XKR7: variants seen among roughly 807,000 people sequenced by gnomAD.
XKR7 encodes XK related 7.
XKR7 carries 11 observed loss-of-function variants against 42.2 expected under a neutral mutation model. The observed-to-expected ratio is 0.26, with a 90% CI of 0.16 to 0.43. The LOEUF is 0.43. XKR7 is among the 20% of genes least tolerant of loss of function. The probability of loss-of-function intolerance (pLI) is 1.00; values close to 1 mark genes in which losing one functional copy is unlikely to be tolerated. For synonymous variants in XKR7, 346 were observed against 366.4 expected (o/e 0.94, Z 0.64); for missense variants, 710 against 802.2 (o/e 0.89, Z 1.39).
At position 31,997,441 on chromosome 20, in the gene XKR7, A is replaced by G; in HGVS notation, c.1724A>G (p.Tyr575Cys). 3 of 1,597,336 alleles carry G rather than the reference A, an allele frequency of 1.9e-6. No homozygotes were observed. The highest frequency in any genetic ancestry group is 2.5e-6 in the Non-Finnish European group (3 of 1,178,888). Reference sequence around the variant, plus strand: ...GGGACTTCCCAGGAGCTGCTGGAGTATGAGACCACAGTGTAGGCTACAGTG... The same window carrying G: ...GGGACTTCCCAGGAGCTGCTGGAGTGTGAGACCACAGTGTAGGCTACAGTG... ...SVGTSQELLE[Y>C]ETTV Residue 575 changes from tyrosine (Y) to cysteine (C), a missense_variant, in exon 3 of 3, where the codon TAT becomes TGT. Tyr to Cys is a radical substitution (Grantham distance 194). Transcript: ENST00000562532.
chr20:31,990,064 G>C (rs2064562693), intron 1 of XKR7, among the ~76,000 whole-genome samples: 1 of 152,196 alleles, frequency 6.6e-6, no homozygotes, highest in African/African-American at 2.4e-5. Flanking sequence ...CTTCCTAGAG[G>C]AGGTTTCAAG....
At chr20:31,974,790 A>G (rs2064478149) in intron 1 of XKR7, among the ~76,000 whole-genome samples, 1 of 152,252 alleles carries the variant, frequency 6.6e-6, no homozygotes, top group Admixed American at 6.5e-5. Flanking sequence ...CTGACACTTG[A>G]TTACAGTCCC....
chr20:31,973,616 G>A (rs1600655388), intron 1 of XKR7, among the ~76,000 whole-genome samples: 1 of 152,080 alleles, frequency 6.6e-6, no homozygotes, highest in South Asian at 2.1e-4. Flanking sequence ...AGGGCTGCAC[G>A]AGGTGAGGAC....
intron 1 of XKR7, chr20:31,970,674 C>G (rs905067715): frequency 6.6e-6 from 1 of 152,172 alleles, no homozygotes. Flanking sequence ...TTGGATCTAG[C>G]AGTATCAATC....
At chr20:31,988,463 A>G (rs549151840) in intron 1 of XKR7, among the ~76,000 whole-genome samples, 40 of 152,126 alleles carry the variant, frequency 2.6e-4, no homozygotes, top group Non-Finnish European at 8.8e-5. Flanking sequence ...TTCATACTCT[A>G]GCTTCTACTC....
chr20:31,971,367 C>T (rs997262401), intron 1 of XKR7, among the ~76,000 whole-genome samples: 8 of 152,222 alleles, frequency 5.3e-5, no homozygotes, highest in Non-Finnish European at 1.0e-4. Flanking sequence ...TTAAGAGTTT[C>T]CCATTCCTGA....
intron 2 of XKR7, among the ~76,000 whole-genome samples, chr20:31,996,213 T>C (rs6061080): frequency 0.42 from 62,489 of 149,158 alleles, 14,684 homozygotes; most frequent in African/African-American, 0.65. Context: ...GACCCCTGAA[T>C]CCTAACAGCC....
At position 31,968,504 on chromosome 20, in the gene XKR7, G is replaced by A; in HGVS notation, c.329G>A (p.Arg110His). 1 of 1,613,014 alleles carries A rather than the reference G, an allele frequency of 6.2e-7. No individual in the cohort carries two copies. The highest frequency in any genetic ancestry group is 8.5e-7 in the Non-Finnish European group (1 of 1,179,536). Residue 110 changes from arginine (R) to histidine (H), a missense_variant, in exon 1 of 3, where the codon CGC becomes CAC. By Grantham distance (29) the Arg-to-His change is conservative. Transcript: ENST00000562532. This position sits in a 1 kb window ranked among gnomAD's most constrained non-coding sequence, Gnocchi z 4.5. ...CTGGTCGTGCAGTTACTGAGCTTCCGCTGGTTCGTCTACGACTACTCGGAG... is the reference window on the plus strand; with the variant it reads ...CTGGTCGTGCAGTTACTGAGCTTCCACTGGTTCGTCTACGACTACTCGGAG... ...PSLVVQLLSF[R>H]WFVYDYSEPA...
intron 1 of XKR7, among the ~76,000 whole-genome samples, chr20:31,973,886 G>T (rs1410336876): frequency 1.3e-5 from 2 of 152,140 alleles, no homozygotes; most frequent in African/African-American, 4.8e-5. Context: ...GTCCACTCTG[G>T]CTGCTGGGTG....
Position 31,968,510 on chromosome 20 carries a change from T to G in XKR7, c.335T>G (p.Phe112Cys), listed in dbSNP as rs1371226652. The change falls in exon 1 of 3, where the codon TTC becomes TGC. Residue 112 changes from phenylalanine (F) to cysteine (C), a missense_variant. By Grantham distance (205) the Phe-to-Cys change is radical (BLOSUM62 -2). This residue lies in a region of XKR7 where 708 missense variants were observed against 786.2 expected (regional missense o/e 0.90). Transcript: ENST00000562532. This position sits in a 1 kb window ranked among gnomAD's most constrained non-coding sequence, Gnocchi z 4.5. ...LVVQLLSFRW[F>C]VYDYSEPAGS... ...GTGCAGTTACTGAGCTTCCGCTGGTTCGTCTACGACTACTCGGAGCCCGCA... is the reference window on the plus strand; with the variant it reads ...GTGCAGTTACTGAGCTTCCGCTGGTGCGTCTACGACTACTCGGAGCCCGCA... 1 of 1,612,890 alleles carries G rather than the reference T, an allele frequency of 6.2e-7. No individual in the cohort carries two copies. Among genetic ancestry groups the G allele is most frequent in the Non-Finnish European group, 8.5e-7 (1 of 1,179,502 alleles).
chr20:31,980,221 C>T (rs973091251), intron 1 of XKR7, among the ~76,000 whole-genome samples: 2 of 151,768 alleles, frequency 1.3e-5, no homozygotes, highest in African/African-American at 4.9e-5. Context: ...CCCAGCACCA[C>T]ATGAAATGGG....
At chr20:31,974,816 A>C (rs1319179414) in intron 1 of XKR7, among the ~76,000 whole-genome samples, 10 of 152,130 alleles carry the variant, frequency 6.6e-5, no homozygotes, top group Non-Finnish European at 1.3e-4. Flanking sequence ...CTCAGTGACC[A>C]TCCATGAGGT....
At position 31,995,092 on chromosome 20, in the gene XKR7, G is replaced by A. The variant is rs1281155677; in HGVS notation, c.609G>A (p.Gly203=). ...GGTACCTGCGCGCCCTGTACCTGGG[G>A]CTGCAGAGCCGCTGGCGCGGGGAGC... ...VWRYLRALYL[G]LQSRWRGERL... is the part of the protein sequence containing the mutation. The change falls in exon 2 of 3, where the codon GGG becomes GGA. Residue 203 remains glycine, a synonymous_variant. Coordinates refer to ENST00000562532, the MANE Select transcript of XKR7 (RefSeq NM_001011718.2). This position sits in a 1 kb window ranked among gnomAD's most constrained non-coding sequence, Gnocchi z 4.1. 2 of 1,553,186 alleles carry A rather than the reference G, an allele frequency of 1.3e-6. No homozygotes were observed. The highest frequency in any genetic ancestry group is 1.7e-6 in the Non-Finnish European group (2 of 1,149,764).
At position 31,995,350 on chromosome 20, in the gene XKR7, C is replaced by A. The variant is rs1383548371; in HGVS notation, c.787+80C>A. 6.6e-7 allele frequency: 1 copy of A among 1,522,804 alleles called. No homozygotes were observed. The highest frequency in any genetic ancestry group is 8.7e-7 in the Non-Finnish European group (1 of 1,143,292). The allele number at this position is 1,522,804 out of a possible 1,614,324, so 94.3% of individuals were successfully genotyped here. ...CCTGCTTCAGGCTCCCTGGGGATGC[C>A]CTGTGGGCTTCCCCACCCCAGCTCA... On this transcript the variant is annotated intron_variant, in intron 2 of 2. Transcript: ENST00000562532. This position sits in a 1 kb window ranked among gnomAD's most constrained non-coding sequence, Gnocchi z 4.1.
At chr20:31,984,475 A>T (rs1200241899) in intron 1 of XKR7, among the ~76,000 whole-genome samples, 2 of 152,190 alleles carry the variant, frequency 1.3e-5, no homozygotes. Context: ...CATTAATGTT[A>T]TCAGAGTTGG....
chr20:31,982,228 A>G (rs1250411671), intron 1 of XKR7, among the ~76,000 whole-genome samples: 4 of 152,192 alleles, frequency 2.6e-5, no homozygotes, highest in Admixed American at 2.6e-4. Flanking sequence ...GGTACTCAAA[A>G]GTGCTTGGTG....
At chr20:31,987,103 G>C (rs1040033531) in intron 1 of XKR7, among the ~76,000 whole-genome samples, 1 of 140,896 alleles carries the variant, frequency 7.1e-6, no homozygotes, top group Admixed American at 7.2e-5. Context: ...AGACCACCAA[G>C]TAGACCCAGC....
Position 31,995,125 on chromosome 20 carries a change from G to A in XKR7, c.642G>A (p.Arg214=), listed in dbSNP as rs1398490461. Residue 214 remains arginine, a synonymous_variant, in exon 2 of 3, where the codon CGG becomes CGA. Transcript: ENST00000562532. This position sits in a 1 kb window ranked among gnomAD's most constrained non-coding sequence, Gnocchi z 4.1. ...LQSRWRGERL[R]RHFYWQMLFE... ...GCCGCTGGCGCGGGGAGCGGCTGCG[G>A]CGCCACTTCTACTGGCAGATGCTGT... 5 of 1,558,242 alleles carry A rather than the reference G, an allele frequency of 3.2e-6. No individual in the cohort carries two copies. The highest frequency in any genetic ancestry group is 4.3e-6 in the Non-Finnish European group (5 of 1,151,904).
rs2064584222 is a variant in XKR7, at chr20:31,995,017, G to C, written c.585-51G>C. 6.5e-7 allele frequency: 1 copy of C among 1,537,230 alleles called. No individual in the cohort carries two copies. On this transcript the variant is annotated intron_variant, in intron 1 of 2. Transcript: ENST00000562532. The surrounding 1 kb of genome is among the most constrained non-coding windows in gnomAD (Gnocchi z 4.1). ...TGGGCGGCTCGGGGCTGGTGCGACA[G>C]AGCGAGAGGAACCAGCGCGCGGGAG...
Sources: allele counts gnomAD v4.1 joint callset (sites outside exome capture counted in the v4.1 genomes callset), GRCh38; gene constraint gnomAD v4.1.1; regional missense constraint gnomAD v4.1.1; non-coding constraint Gnocchi (gnomAD v3.1); transcripts MANE v1.5; gene names NCBI Gene and HGNC (gene_info 2026-07-23, HGNC 2026-07-21).